Variants in GAB1 observed in about 807,000 individuals in gnomAD.
GAB1 encodes GRB2 associated binding protein 1, also known as GRB2-associated-binding protein 1.
Under a neutral mutation model 66.5 loss-of-function variants are expected in GAB1, and 19 were observed. The ratio of observed to expected loss-of-function variants is 0.29; its 90% CI spans 0.20 to 0.42. The LOEUF (loss-of-function observed/expected upper bound fraction) is 0.42, where lower values mean the gene tolerates loss of function less well. Ranked by LOEUF, GAB1 falls within the 10% of genes least tolerant of loss-of-function variation. GAB1 has a pLI of 1.00. For missense variants in GAB1, 732 were observed against 858.5 expected (o/e 0.85, Z 1.84); for synonymous variants, 294 against 301.4 (o/e 0.98, Z 0.25).
rs1276664280 is a variant in GAB1 at position 143,472,585 on chromosome 4, C to T, written c.*3396C>T. 1 of 152,196 alleles carries T rather than the reference C, an allele frequency of 6.6e-6. No homozygotes were observed. Among genetic ancestry groups the T allele is most frequent in the African/African-American group, 2.4e-5 (1 of 41,454 alleles). The allele number at this position is 152,196 out of a possible 1,614,324, so 9.4% of individuals were successfully genotyped here. A position where few individuals can be genotyped will look rare whatever the true frequency, so the allele number is the denominator to read the frequency against. On this transcript the variant is annotated 3_prime_UTR_variant, in exon 10 of 10. Coordinates refer to ENST00000262994, the MANE Select transcript of GAB1 (RefSeq NM_002039.4). ...ACTGATCATAATTCTTGGGTGTTCA[C>T]AAACACTCCTAGTGCCTCTTTTTTG...
chr4:143,465,939 G>A (rs1252797998), intron 8 of GAB1, 164 bp from the exon 9 acceptor site: 1 of 673,506 alleles, frequency 1.5e-6, no homozygotes, highest in Admixed American at 3.2e-5. Flanking sequence ...GCTTTAATCA[G>A]TTTTTTAAAT....
intron 6 of GAB1, among the ~76,000 whole-genome samples, chr4:143,452,619 A>C (rs1734984262): frequency 6.6e-6 from 1 of 152,170 alleles, no homozygotes. Context: ...TCTTCACATA[A>C]ATTTTCTTAT....
At chr4:143,372,265 C>G (rs1407920075) in intron 1 of GAB1, among the ~76,000 whole-genome samples, 1 of 152,160 alleles carries the variant, frequency 6.6e-6, no homozygotes, top group Non-Finnish European at 1.5e-5. Flanking sequence ...GCTAGTTCTT[C>G]CGTTTGCTAT....
intron 1 of GAB1, among the ~76,000 whole-genome samples, chr4:143,350,353 T>C (rs57024421): frequency 0.023 from 3,486 of 152,242 alleles, 122 homozygotes; most frequent in African/African-American, 0.08. Flanking sequence ...GGCACTGTTA[T>C]CATGGCTTAG....
intron 2 of GAB1, among the ~76,000 whole-genome samples, chr4:143,420,672 A>G (rs2149725415): frequency 6.6e-6 from 1 of 152,210 alleles, no homozygotes; most frequent in Non-Finnish European, 1.5e-5. Flanking sequence ...GCAGCTCACT[A>G]ACTTCATATA....
At chr4:143,456,853 A>G (rs369363783) in intron 6 of GAB1, among the ~76,000 whole-genome samples, 13 of 152,312 alleles carry the variant, frequency 8.5e-5, no homozygotes, top group Admixed American at 1.3e-4. Context: ...ATGATATTGC[A>G]GCTCTGGCAT....
intron 1 of GAB1, among the ~76,000 whole-genome samples, chr4:143,388,671 T>C (rs1010025391): frequency 2.0e-5 from 3 of 152,150 alleles, no homozygotes; most frequent in Non-Finnish European, 4.4e-5. Flanking sequence ...CACCTCCACC[T>C]CCCAAAGTTC....
chr4:143,386,009 G>A (rs1730887405), intron 1 of GAB1, among the ~76,000 whole-genome samples: 1 of 152,124 alleles, frequency 6.6e-6, no homozygotes, highest in Admixed American at 6.6e-5. Flanking sequence ...AGGCGTGGCT[G>A]TGCGCACCTG....
chr4:143,352,291 T>C (rs1177457094), intron 1 of GAB1, among the ~76,000 whole-genome samples: 1 of 152,230 alleles, frequency 6.6e-6, no homozygotes, highest in Non-Finnish European at 1.5e-5. Flanking sequence ...CAGGTCTGGC[T>C]ACTGTAATTG....
chr4:143,377,090 T>C (rs1027852), intron 1 of GAB1, among the ~76,000 whole-genome samples: 52,241 of 151,222 alleles, frequency 0.35, 9,216 homozygotes, highest in South Asian at 0.5. Context: ...TTAGATTTAG[T>C]CTGGTGGTTT....
At chr4:143,414,075 G>A (rs570612529) in intron 1 of GAB1, among the ~76,000 whole-genome samples, 134 of 151,960 alleles carry the variant, frequency 8.8e-4, no homozygotes, top group African/African-American at 2.9e-3. Context: ...TGCCCACCTC[G>A]GCCTCCCAAT....
At chr4:143,402,374 A>G (rs1187455821) in intron 1 of GAB1, among the ~76,000 whole-genome samples, 1 of 152,192 alleles carries the variant, frequency 6.6e-6, no homozygotes, top group African/African-American at 2.4e-5. Flanking sequence ...TGTCTTTAAC[A>G]TGCCTACCCT....
intron 6 of GAB1, among the ~76,000 whole-genome samples, chr4:143,450,358 G>A (rs1475078505): frequency 1.3e-5 from 2 of 152,068 alleles, no homozygotes; most frequent in Non-Finnish European, 2.9e-5. Flanking sequence ...AAAACTTTGG[G>A]AAGAGTAAAA....
chr4:143,388,488 C>G (rs1731022106), intron 1 of GAB1, among the ~76,000 whole-genome samples: 1 of 152,180 alleles, frequency 6.6e-6, no homozygotes, highest in Admixed American at 6.5e-5. Context: ...GATCTCGGCT[C>G]ACTGCAACCT....
In GAB1 at chr4:143,468,855, G is replaced by A. The variant is rs28924076; in HGVS notation, c.1927-176G>A. 2.6e-5 allele frequency among the ~76,000 whole-genome samples: 4 copies of A among 152,146 alleles called. No individual in the cohort carries two copies. The East Asian group carries it at 7.8e-4, about 30-fold the overall frequency. ...GGAGAATTGCTTGAACCCAGGAGGC[G>A]GAGGTTGCAGTGAGCTGAGATCGCA... On this transcript the variant is annotated intron_variant, in intron 9 of 9. Coordinates refer to ENST00000262994, the MANE Select transcript of GAB1 (RefSeq NM_002039.4).
intron 1 of GAB1, among the ~76,000 whole-genome samples, chr4:143,413,824 CTTTTTTT>C (rs35422180): frequency 7.4e-5 from 5 of 67,826 alleles, no homozygotes; most frequent in Non-Finnish European, 1.2e-4. Context: ...CCCCGCTGCC[CTTTTTTT>C]TTTTTTTTTT....
chr4:143,429,246 G>T (rs145545957), intron 2 of GAB1, among the ~76,000 whole-genome samples: 388 of 152,188 alleles, frequency 2.5e-3, no homozygotes, highest in African/African-American at 8.8e-3. Flanking sequence ...GGTACTACAG[G>T]CACGTGCCAC....
At chr4:143,448,259 G>C (rs1307272131) in intron 6 of GAB1, among the ~76,000 whole-genome samples, 1 of 151,466 alleles carries the variant, frequency 6.6e-6, no homozygotes, top group Non-Finnish European at 1.5e-5. Context: ...CTCTTTTTTT[G>C]GTTGTGTCTC....
chr4:143,439,951 C>T lies in GAB1; in HGVS notation c.1281+64C>T, dbSNP rs1734133245. The T allele has an allele frequency of 6.4e-6, 9 of 1,399,472 alleles. 1 individual carries two copies. The South Asian group carries it at 1.0e-4, about 16-fold the overall frequency. 86.7% of individuals were successfully genotyped at this position (1,399,472 alleles called of 1,614,324 possible). A position where few individuals can be genotyped will look rare whatever the true frequency, so the allele number is the denominator to read the frequency against. On this transcript the variant is annotated intron_variant, in intron 5 of 9. Coordinates refer to ENST00000262994, the MANE Select transcript of GAB1 (RefSeq NM_002039.4). ...ATTGTCTAAATCTTCATAATTAGTG[C>T]CATGAGACTAAGTGATATCATGAAA...
Sources: allele counts gnomAD v4.1 joint callset (sites outside exome capture counted in the v4.1 genomes callset), GRCh38; gene constraint gnomAD v4.1.1; transcripts MANE v1.5; gene names NCBI Gene and HGNC (gene_info 2026-07-23, HGNC 2026-07-21).